Variants in SMOC2 observed in about 807,000 individuals in gnomAD.
The protein encoded by SMOC2 is SPARC related modular calcium binding 2, also known as SPARC-related modular calcium-binding protein 2.
SMOC2 carries 39 observed loss-of-function variants against 61.4 expected under a neutral mutation model. The observed-to-expected ratio is 0.64, with a 90% CI of 0.49 to 0.83. SMOC2 has a LOEUF of 0.83. Ranked by LOEUF, SMOC2 falls within the 40% of genes least tolerant of loss-of-function variation. SMOC2 has a pLI of 0.00. For missense variants in SMOC2, 556 were observed against 592.9 expected (o/e 0.94, Z 0.65); for synonymous variants, 247 against 239.9 (o/e 1.03, Z -0.27).
At position 168,602,178 on chromosome 6, in the gene SMOC2, C is replaced by G. The variant is rs1044579883; in HGVS notation, c.824+3174C>G. On this transcript the variant is annotated intron_variant, in intron 8 of 12. Coordinates refer to ENST00000356284, the MANE Select transcript of SMOC2 (RefSeq NM_001166412.2). ...TTCCAGGGGGGTGTCGGACCCAGAA[C>G]TGCTGTCCCTTGCTGCCAACAGAAA... is the stretch of plus-strand genomic sequence containing the variant. Among the ~76,000 whole-genome samples the G allele has an allele frequency of 2.0e-5, 3 of 152,192 alleles. 1 individual carries two copies. Among genetic ancestry groups the G allele is most frequent in the African/African-American group, 7.2e-5 (3 of 41,438 alleles).
intron 7 of SMOC2, among the ~76,000 whole-genome samples, chr6:168,567,763 ATGGTGTGTGTCGG>A (rs1784574992): frequency 1.3e-5 from 2 of 152,210 alleles, no homozygotes; most frequent in Non-Finnish European, 2.9e-5. Context: ...CGAAGACCAG[ATGGTGTGTGTCGG>A]TGTCTCACAT....
chr6:168,611,280 CCG>C, intron 9 of SMOC2, among the ~76,000 whole-genome samples: 1 of 107,584 alleles, frequency 9.3e-6, no homozygotes, highest in Non-Finnish European at 2.0e-5. Context: ...ACCGTGGCTC[CCG>C]TGTCGGGCCT....
intron 2 of SMOC2, among the ~76,000 whole-genome samples, chr6:168,519,077 A>G (rs1234803060): frequency 7.8e-6 from 1 of 127,452 alleles, no homozygotes; most frequent in Non-Finnish European, 1.7e-5. Context: ...GAGTGTATGT[A>G]TGCGTGCATG....
intron 1 of SMOC2, among the ~76,000 whole-genome samples, chr6:168,507,448 C>T (rs1041108461): frequency 4.6e-5 from 7 of 152,198 alleles, no homozygotes; most frequent in African/African-American, 1.7e-4. Flanking sequence ...GCTGCGAGAA[C>T]GAGGCTGCTG....
At chr6:168,594,263 A>G (rs1583141272) in intron 7 of SMOC2, among the ~76,000 whole-genome samples, 1 of 6,658 alleles carries the variant, frequency 1.5e-4, no homozygotes. Context: ...CTGAGGCCTC[A>G]CGGGCATCTT....
Position 168,514,914 on chromosome 6 carries a change from C to T in SMOC2, c.256+4828C>T, listed in dbSNP as rs543392971. On this transcript the variant is annotated intron_variant, in intron 2 of 12. Transcript: ENST00000356284. ...CATCTCTCTGGGTGGAAGCTCGACA[C>T]CTGTGACCCTCTCTGGCTCGTGGGC... 2.0e-5 allele frequency among the ~76,000 whole-genome samples: 3 copies of T among 152,330 alleles called. No individual in the cohort carries two copies. In the South Asian group the frequency reaches 6.2e-4, roughly 32 times the overall value.
intron 9 of SMOC2, among the ~76,000 whole-genome samples, chr6:168,636,702 A>G (rs896682671): frequency 2.6e-5 from 4 of 152,204 alleles, no homozygotes; most frequent in African/African-American, 9.6e-5. Context: ...TGATCCTGAG[A>G]TCAGGAATTG....
chr6:168,573,833 G>A (rs1562356766), intron 7 of SMOC2, among the ~76,000 whole-genome samples: 1 of 152,202 alleles, frequency 6.6e-6, no homozygotes, highest in Non-Finnish European at 1.5e-5. Context: ...TAACGATCCA[G>A]TGGAGGCTTT....
chr6:168,598,838 C>A lies in SMOC2; in HGVS notation c.658C>A (p.His220Asn). 1 of 1,613,822 alleles carries A rather than the reference C, an allele frequency of 6.2e-7. No individual in the cohort carries two copies. The highest frequency in any genetic ancestry group is 8.5e-7 in the Non-Finnish European group (1 of 1,179,796). ...CGCAGTGTCATCCTGTGACCAAGAG[C>A]ACCAGTCTGCCCTGGAGGAAGCCAA... ...KNSVSSCDQE[H>N]QSALEEAKQP... The change falls in exon 8 of 13, where the codon CAC becomes AAC. Residue 220 changes from histidine to asparagine, a missense_variant. By Grantham distance (68) the His-to-Asn change is moderately conservative. Coordinates refer to ENST00000356284, the MANE Select transcript of SMOC2 (RefSeq NM_001166412.2).
chr6:168,599,030 C>CT, intron 8 of SMOC2, 26 bp downstream of exon 8: 1 of 1,547,296 alleles, frequency 6.5e-7, no homozygotes. Context: ...CCACCCCCCC[C>CT]GGGACCATGG....
At chr6:168,540,781 CAT>C (rs1443390892) in intron 4 of SMOC2, among the ~76,000 whole-genome samples, 1 of 152,168 alleles carries the variant, frequency 6.6e-6, no homozygotes, top group Non-Finnish European at 1.5e-5. Context: ...TCGCCTCCCT[CAT>C]CTGATGCTGT....
At chr6:168,640,047 C>T (rs1251067865) in intron 9 of SMOC2, among the ~76,000 whole-genome samples, 1 of 152,156 alleles carries the variant, frequency 6.6e-6, no homozygotes, top group African/African-American at 2.4e-5. Flanking sequence ...GTCATTACTC[C>T]ATGTATTTGG....
At chr6:168,458,849 G>A (rs988205081) in intron 1 of SMOC2, among the ~76,000 whole-genome samples, 1 of 152,196 alleles carries the variant, frequency 6.6e-6, no homozygotes, top group Non-Finnish European at 1.5e-5. Flanking sequence ...GCAGGAAGAT[G>A]TTTGCTTATA....
intron 1 of SMOC2, among the ~76,000 whole-genome samples, chr6:168,472,669 G>A (rs757306962): frequency 1.3e-5 from 2 of 152,096 alleles, no homozygotes; most frequent in Admixed American, 6.5e-5. Flanking sequence ...GACATCTTGA[G>A]TCTTTAGTAA....
chr6:168,649,422 C>T (rs1239164913), intron 9 of SMOC2, among the ~76,000 whole-genome samples: 8 of 152,126 alleles, frequency 5.3e-5, no homozygotes, highest in African/African-American at 2.4e-5. Flanking sequence ...GAGGCAGCCT[C>T]CCCAGCAGGG....
chr6:168,659,591 AGGT>A (rs1184109873), intron 11 of SMOC2, among the ~76,000 whole-genome samples: 10 of 111,042 alleles, frequency 9.0e-5, no homozygotes, highest in Admixed American at 2.6e-4. Context: ...TGGAGGTTGT[AGGT>A]TGGGTGAGGG....
At chr6:168,573,111 A>G (rs879036086) in intron 7 of SMOC2, among the ~76,000 whole-genome samples, 2 of 22,004 alleles carry the variant, frequency 9.1e-5, no homozygotes, top group Non-Finnish European at 7.3e-5. Flanking sequence ...TTTCCTTCCC[A>G]CATCCCCGGG....
intron 2 of SMOC2, among the ~76,000 whole-genome samples, chr6:168,522,254 A>G (rs573618434): frequency 2.0e-5 from 3 of 152,212 alleles, no homozygotes; most frequent in Non-Finnish European, 2.9e-5. Context: ...CTGGACATAC[A>G]ACGGTTTAGC....
intron 7 of SMOC2, among the ~76,000 whole-genome samples, chr6:168,592,419 C>T (rs1171838323): frequency 1.7e-5 from 2 of 117,350 alleles, no homozygotes; most frequent in African/African-American, 3.1e-5. Context: ...TGAGGCCTCA[C>T]GAGCATCTTT....
Sources: allele counts gnomAD v4.1 joint callset (sites outside exome capture counted in the v4.1 genomes callset), GRCh38; gene constraint gnomAD v4.1.1; transcripts MANE v1.5; gene names NCBI Gene and HGNC (gene_info 2026-07-23, HGNC 2026-07-21).